The following DYTN variants were observed in gnomAD, a reference collection of about 807,000 sequenced individuals.
The protein encoded by DYTN is dystrotelin.
Under a neutral mutation model 69.6 loss-of-function variants are expected in DYTN, and 75 were observed. The ratio of observed to expected loss-of-function variants is 1.08; its 90% CI spans 0.89 to 1.31. The LOEUF is 1.31. DYTN is among the 50% of genes most tolerant of loss of function. The probability of loss-of-function intolerance (pLI) is 0.00; values close to 1 mark genes in which losing one functional copy is unlikely to be tolerated. For missense variants in DYTN, 726 were observed against 688.4 expected (o/e 1.05, Z -0.61); for synonymous variants, 252 against 249.1 (o/e 1.01, Z -0.11).
At chr2:206,664,301 C>T (rs1699544375) in intron 10 of DYTN, among the ~76,000 whole-genome samples, 1 of 152,072 alleles carries the variant, frequency 6.6e-6, no homozygotes, top group Non-Finnish European at 1.5e-5. Context: ...AACAGTTTCT[C>T]AAAAATGAAC....
At chr2:206,701,841 T>G (rs545407316) in intron 5 of DYTN, among the ~76,000 whole-genome samples, 3 of 152,336 alleles carry the variant, frequency 2.0e-5, no homozygotes, top group African/African-American at 7.2e-5. Flanking sequence ...TTAATTAATT[T>G]GATTGTGTTA....
Position 206,671,374 on chromosome 2 carries a change from C to T in DYTN, c.981-5345G>A, listed in dbSNP as rs201381106. On this transcript the variant is annotated intron_variant, in intron 9 of 11. Transcript: ENST00000452335. ...ACTGAACTATATACAGACTTAAAGTCGCATTCTCTGGTTGCTGTGTGCCCT... is the reference window on the plus strand; with the variant it reads ...ACTGAACTATATACAGACTTAAAGTTGCATTCTCTGGTTGCTGTGTGCCCT... 4.6e-5 allele frequency among the ~76,000 whole-genome samples: 7 copies of T among 152,314 alleles called. No individual in the cohort carries two copies. In the East Asian group the frequency reaches 1.2e-3, roughly 25 times the overall value.
chr2:206,674,755 T>C (rs1431763702), intron 9 of DYTN, among the ~76,000 whole-genome samples: 1 of 151,640 alleles, frequency 6.6e-6, no homozygotes, highest in East Asian at 1.9e-4. Context: ...TGTTTACTAT[T>C]ACTCTATTAA....
In DYTN at chr2:206,718,378, C is replaced by A. The variant is rs1700148635; in HGVS notation, c.-99G>T. ...AGGTTTTGCAGCAGAGGAATGAGGA[C>A]AGGGGAACAAAAAGGCAACTAAACA... On this transcript the variant is annotated 5_prime_UTR_variant, in exon 1 of 12. Coordinates refer to ENST00000452335, the MANE Select transcript of DYTN (RefSeq NM_001093730.1). 7.5e-7 allele frequency: 1 copy of A among 1,334,304 alleles called. No homozygotes were observed. Among genetic ancestry groups the A allele is most frequent in the Non-Finnish European group, 1.0e-6 (1 of 975,700 alleles). The allele number at this position is 1,334,304 out of a possible 1,614,324, so 82.7% of individuals were successfully genotyped here. A position where few individuals can be genotyped will look rare whatever the true frequency, so the allele number is the denominator to read the frequency against.
In DYTN at chr2:206,652,391, T is replaced by C. The variant is rs1204599295; in HGVS notation, c.1634-470A>G. On this transcript the variant is annotated intron_variant, in intron 11 of 11. Coordinates refer to ENST00000452335, the MANE Select transcript of DYTN (RefSeq NM_001093730.1). ...CAGTGCTCTATAGTTACCTGATTAATGGTTTGAGTGTCCCCTATGATCTGT... is the reference window on the plus strand; with the variant it reads ...CAGTGCTCTATAGTTACCTGATTAACGGTTTGAGTGTCCCCTATGATCTGT... Among the ~76,000 whole-genome samples the C allele has an allele frequency of 3.9e-5, 6 of 152,286 alleles. No homozygotes were observed. The East Asian group carries it at 9.6e-4, about 24-fold the overall frequency.
rs1331226695 is a variant in DYTN at position 206,693,254 on chromosome 2, T to C, written c.901A>G (p.Arg301Gly). ...TGCCTTCTCGCTGCTTCTTTCTTCCTACAGCGCCCCTGAAGAAGGTTGTTT... is the reference window on the plus strand; with the variant it reads ...TGCCTTCTCGCTGCTTCTTTCTTCCCACAGCGCCCCTGAAGAAGGTTGTTT... ...LRNNLLQGRC[R>G]KKEAARRQQL... The change falls in exon 9 of 12, where the codon AGG becomes GGG. Residue 301 changes from arginine to glycine, a missense_variant. Arg to Gly is a moderately radical substitution (Grantham distance 125). Coordinates refer to ENST00000452335, the MANE Select transcript of DYTN (RefSeq NM_001093730.1). The C allele has an allele frequency of 2.5e-6, 4 of 1,613,628 alleles. No individual in the cohort carries two copies. Among genetic ancestry groups the C allele is most frequent in the Admixed American group, 1.7e-5 (1 of 60,016 alleles).
intron 7 of DYTN, among the ~76,000 whole-genome samples, chr2:206,699,396 G>A (rs1370344724): frequency 6.6e-6 from 1 of 152,210 alleles, no homozygotes; most frequent in Non-Finnish European, 1.5e-5. Flanking sequence ...TAGTGCCAGT[G>A]CACTCCAGCC....
intron 1 of DYTN, among the ~76,000 whole-genome samples, chr2:206,713,524 C>T (rs67453442): frequency 0.1 from 15,659 of 152,002 alleles, 1,592 homozygotes; most frequent in East Asian, 0.51. Context: ...GGAGATGATG[C>T]GCTGGGGGGA....
intron 1 of DYTN, among the ~76,000 whole-genome samples, chr2:206,713,414 T>G (rs1700097781): frequency 6.6e-6 from 1 of 152,208 alleles, no homozygotes; most frequent in Non-Finnish European, 1.5e-5. Flanking sequence ...TATTGCTAAC[T>G]GCTCCCATCG....
chr2:206,659,870 G>GT (rs1345580804), intron 11 of DYTN, among the ~76,000 whole-genome samples: 5 of 152,132 alleles, frequency 3.3e-5, no homozygotes, highest in African/African-American at 1.2e-4. Flanking sequence ...AGTTTCTCAT[G>GT]TTTAAATGCC....
At chr2:206,698,559 T>C (rs1004077753) in intron 7 of DYTN, among the ~76,000 whole-genome samples, 7 of 152,218 alleles carry the variant, frequency 4.6e-5, no homozygotes, top group Non-Finnish European at 1.0e-4. Context: ...CCCCAGCCCC[T>C]GTTCACTCAT....
At chr2:206,682,905 C>A (rs958079027) in intron 9 of DYTN, among the ~76,000 whole-genome samples, 1 of 151,978 alleles carries the variant, frequency 6.6e-6, no homozygotes, top group Admixed American at 6.5e-5. Context: ...CAGGAATAGA[C>A]ACATAGATCT....
chr2:206,713,580 T>C (rs575758010), intron 1 of DYTN, among the ~76,000 whole-genome samples: 3 of 152,318 alleles, frequency 2.0e-5, no homozygotes, highest in Admixed American at 6.5e-5. Context: ...GTTGAGGGCA[T>C]GTTCACACAT....
intron 11 of DYTN, among the ~76,000 whole-genome samples, chr2:206,658,876 T>C (rs1201843305): frequency 2.2e-4 from 34 of 152,140 alleles, no homozygotes; most frequent in Admixed American, 2.2e-3. Flanking sequence ...AAATGAATAG[T>C]TAAAAAGGAT....
At chr2:206,702,336 A>G (rs1337568596) in intron 5 of DYTN, among the ~76,000 whole-genome samples, 1 of 152,280 alleles carries the variant, frequency 6.6e-6, no homozygotes, top group Non-Finnish European at 1.5e-5. Context: ...ATTGCCTGCA[A>G]GCTCAGAAGT....
rs1246028977 is a variant in DYTN, at chr2:206,699,836, G to A, written c.610C>T (p.Pro204Ser). Residue 204 changes from proline to serine, a missense_variant, in exon 7 of 12, where the codon CCT becomes TCT. Physicochemically the swap from Pro to Ser is moderately conservative, Grantham distance 74. Coordinates refer to ENST00000452335, the MANE Select transcript of DYTN (RefSeq NM_001093730.1). ...EKFLSWVQSE[P>S]PILLWLPTCH... is the part of the protein sequence containing the mutation. ...GTCGGGAGCCACAGGAGGATGGGAGGCTCAGATTGGACCCAAGACAGGAAT... is the reference window on the plus strand; with the variant it reads ...GTCGGGAGCCACAGGAGGATGGGAGACTCAGATTGGACCCAAGACAGGAAT... 5 of 1,613,738 alleles carry A rather than the reference G, an allele frequency of 3.1e-6. No homozygotes were observed. Among genetic ancestry groups the A allele is most frequent in the Non-Finnish European group, 4.2e-6 (5 of 1,179,838 alleles).
intron 11 of DYTN, among the ~76,000 whole-genome samples, chr2:206,662,219 G>A (rs926339169): frequency 2.0e-5 from 3 of 152,082 alleles, no homozygotes; most frequent in East Asian, 1.9e-4. Context: ...AAGGTAGGTC[G>A]GTTAAGCTAT....
At chr2:206,697,546 T>C (rs1699932606) in intron 7 of DYTN, among the ~76,000 whole-genome samples, 1 of 152,140 alleles carries the variant, frequency 6.6e-6, no homozygotes, top group African/African-American at 2.4e-5. Flanking sequence ...AAGTTTAAAG[T>C]TAGGATTATA....
At chr2:206,685,045 G>GTACAGCC (rs1699790003) in intron 9 of DYTN, among the ~76,000 whole-genome samples, 2 of 152,200 alleles carry the variant, frequency 1.3e-5, no homozygotes, top group African/African-American at 4.8e-5. Context: ...GACAATGGAA[G>GTACAGCC]TACAGCCTGG....
Sources: allele counts gnomAD v4.1 joint callset (sites outside exome capture counted in the v4.1 genomes callset), GRCh38; gene constraint gnomAD v4.1.1; transcripts MANE v1.5; gene names NCBI Gene and HGNC (gene_info 2026-07-23, HGNC 2026-07-21).